The following BCAS1 variants were observed in gnomAD, a reference collection of about 807,000 sequenced individuals.
The protein encoded by BCAS1 is breast carcinoma-amplified sequence 1.
BCAS1 carries 46 observed loss-of-function variants against 65.4 expected under a neutral mutation model. The ratio of observed to expected loss-of-function variants is 0.70; its 90% CI spans 0.55 to 0.90. The LOEUF (loss-of-function observed/expected upper bound fraction) is 0.90. Ranked by LOEUF, BCAS1 falls within the 40% of genes least tolerant of loss-of-function variation. BCAS1 has a pLI of 0.00. For synonymous variants in BCAS1, 298 were observed against 293.5 expected, an observed-to-expected ratio of 1.02 and a Z score of -0.16; for missense variants, 793 against 771.2, an observed-to-expected ratio of 1.03 and a Z score of -0.33.
rs938043593 is a variant in BCAS1, at chr20:54,022,932, T to C, written c.723+5460A>G. On this transcript the variant is annotated intron_variant, in intron 4 of 12. Transcript: ENST00000688948. Reference sequence around the variant, plus strand: ...TTTCTTACTGCTAAATGCATCAAAATCCCAGTGGTATAGCTGAGGACCTTG... The same window carrying C: ...TTTCTTACTGCTAAATGCATCAAAACCCCAGTGGTATAGCTGAGGACCTTG... Among the ~76,000 whole-genome samples, 6 of 152,160 alleles carry C rather than the reference T, an allele frequency of 3.9e-5. 1 individual carries two copies. The highest frequency in any genetic ancestry group is 1.4e-4 in the African/African-American group (6 of 41,436).
intron 4 of BCAS1, among the ~76,000 whole-genome samples, chr20:54,002,809 A>G (rs6127055): frequency 0.17 from 25,364 of 152,204 alleles, 2,381 homozygotes; most frequent in East Asian, 0.28. Flanking sequence ...TCAATTGAGT[A>G]ATTTTGCAAA....
chr20:54,070,047 C>G (rs1370552968), intron 1 of BCAS1, among the ~76,000 whole-genome samples: 1 of 152,182 alleles, frequency 6.6e-6, no homozygotes, highest in East Asian at 1.9e-4. Flanking sequence ...GGCTCAGATT[C>G]CACTCGGCTA....
At chr20:53,994,505 G>A (rs1248959296) in intron 6 of BCAS1, among the ~76,000 whole-genome samples, 1 of 152,146 alleles carries the variant, frequency 6.6e-6, no homozygotes, top group Non-Finnish European at 1.5e-5. Context: ...CACTGCCTTT[G>A]CAGTAAAGAT....
At chr20:53,981,438 C>A (rs576207009) in intron 8 of BCAS1, among the ~76,000 whole-genome samples, 1 of 152,072 alleles carries the variant, frequency 6.6e-6, no homozygotes, top group South Asian at 2.1e-4. Context: ...TCTAAACAAC[C>A]GTAGCATTTG....
intron 3 of BCAS1, among the ~76,000 whole-genome samples, chr20:54,033,364 G>A (rs566715584): frequency 6.9e-6 from 1 of 145,258 alleles, no homozygotes; most frequent in South Asian, 2.3e-4. Context: ...TTCAGGAGCT[G>A]TTTTTTTTTT....
At chr20:53,948,539 G>A (rs1238036740) in intron 12 of BCAS1, among the ~76,000 whole-genome samples, 1 of 152,194 alleles carries the variant, frequency 6.6e-6, no homozygotes. Flanking sequence ...CTGCCCTTCA[G>A]GTAGCCACAG....
intron 4 of BCAS1, among the ~76,000 whole-genome samples, chr20:53,996,461 T>TAAAAAAAAAA (rs143929524): frequency 2.2e-5 from 2 of 92,178 alleles, no homozygotes; most frequent in South Asian, 3.9e-4. Flanking sequence ...TTATATCAAC[T>TAAAAAAAAAA]AAAAAAAAAA....
Position 53,967,004 on chromosome 20 carries a change from G to T in BCAS1, c.1387C>A (p.Leu463Ile). Residue 463 changes from leucine to isoleucine, a missense_variant, in exon 10 of 13, where the codon CTC (leucine) becomes ATC (isoleucine). Transcript: ENST00000688948. ...EVESALQTVDLNEGDAAPEPT... is the reference protein window; with the variant it reads ...EVESALQTVDINEGDAAPEPT... Reference sequence around the variant, plus strand: ...TCAGGTGCAGCATCTCCTTCGTTGAGGTCCACTGTTTGTAAGGCTGATTCT... The same window carrying T: ...TCAGGTGCAGCATCTCCTTCGTTGATGTCCACTGTTTGTAAGGCTGATTCT... 6.2e-7 allele frequency: 1 copy of T among 1,613,108 alleles called. No homozygotes were observed. Among genetic ancestry groups the T allele is most frequent in the Non-Finnish European group, 8.5e-7 (1 of 1,179,616 alleles).
At chr20:53,963,112 A>C (rs2089931394) in intron 10 of BCAS1, among the ~76,000 whole-genome samples, 1 of 151,438 alleles carries the variant, frequency 6.6e-6, no homozygotes, top group South Asian at 2.1e-4. Context: ...GGCCTCCCAA[A>C]GTGCTGGGAT....
intron 4 of BCAS1, among the ~76,000 whole-genome samples, chr20:54,009,747 A>C (rs1568872690): frequency 6.6e-6 from 1 of 152,194 alleles, no homozygotes; most frequent in Non-Finnish European, 1.5e-5. Context: ...TTGGTACCAG[A>C]AACAGATAAA....
At chr20:54,006,065 T>G (rs988008343) in intron 4 of BCAS1, among the ~76,000 whole-genome samples, 1 of 152,168 alleles carries the variant, frequency 6.6e-6, no homozygotes, top group African/African-American at 2.4e-5. Flanking sequence ...ACCAGGATGG[T>G]GGGCACAGGG....
chr20:54,033,925 G>A, intron 3 of BCAS1, among the ~76,000 whole-genome samples: 1 of 151,320 alleles, frequency 6.6e-6, no homozygotes, highest in East Asian at 1.9e-4. Context: ...GAATCCAGCA[G>A]CACACCAAAA....
intron 12 of BCAS1, among the ~76,000 whole-genome samples, chr20:53,951,797 C>T (rs1309654002): frequency 6.6e-6 from 1 of 152,216 alleles, no homozygotes; most frequent in African/African-American, 2.4e-5. Context: ...CTGCCTTCCT[C>T]ACATCAATGA....
Position 53,944,863 on chromosome 20 carries a change from G to T in BCAS1, c.*59C>A. The T allele has an allele frequency of 6.8e-7, 1 of 1,461,600 alleles. No individual in the cohort carries two copies. Among genetic ancestry groups the T allele is most frequent in the Non-Finnish European group, 9.6e-7 (1 of 1,041,168 alleles). 90.5% of individuals were successfully genotyped at this position (1,461,600 alleles called of 1,614,324 possible). A position where few individuals can be genotyped will look rare whatever the true frequency, so the allele number is the denominator to read the frequency against. On this transcript the variant is annotated 3_prime_UTR_variant, in exon 13 of 13. Transcript: ENST00000688948. ...CATGGAGCGTGTTTGGGGAGGAGAT[G>T]GAGTAAGGAGAACACATCTTGGTGG...
chr20:54,030,560 T>A (rs558620382), intron 3 of BCAS1, among the ~76,000 whole-genome samples: 25 of 141,244 alleles, frequency 1.8e-4, no homozygotes, highest in African/African-American at 5.9e-4. Flanking sequence ...ATTTCTTTGA[T>A]CTATTCATAC....
At chr20:53,996,190 G>A in intron 4 of BCAS1, 140 bp from the exon 5 acceptor site, 3 of 761,014 alleles carry the variant, frequency 3.9e-6, no homozygotes, top group Non-Finnish European at 5.9e-6. Context: ...GAACAATCAT[G>A]AGATTATAAG....
intron 3 of BCAS1, among the ~76,000 whole-genome samples, chr20:54,034,265 A>C (rs1414893118): frequency 2.6e-5 from 4 of 151,338 alleles, no homozygotes; most frequent in African/African-American, 9.7e-5. Context: ...TCAACATAGT[A>C]TTGGAAGTCT....
At chr20:53,961,338 T>C (rs1420649826) in intron 10 of BCAS1, among the ~76,000 whole-genome samples, 2 of 152,230 alleles carry the variant, frequency 1.3e-5, no homozygotes, top group Non-Finnish European at 2.9e-5. Context: ...ATCTGCAATA[T>C]TGTTTATCAG....
intron 4 of BCAS1, among the ~76,000 whole-genome samples, chr20:54,002,634 A>G (rs2091084422): frequency 6.6e-6 from 1 of 152,218 alleles, no homozygotes; most frequent in Non-Finnish European, 1.5e-5. Context: ...TATTTGAAAT[A>G]TGAACTTTGT....
Sources: gnomAD v4.1 joint callset for allele counts (sites outside exome capture counted in the v4.1 genomes callset) on GRCh38, gnomAD v4.1.1 for gene constraint, MANE v1.5 for transcripts, NCBI Gene and HGNC (gene_info 2026-07-23, HGNC 2026-07-21) for gene names.